PMM2: variants seen among roughly 807,000 people sequenced by gnomAD.
PMM2 encodes mannose-6-phosphate isomerase.
Under a neutral mutation model 33.2 loss-of-function variants are expected in PMM2, and 35 were observed. The observed-to-expected ratio is 1.06, with a 90% CI of 0.81 to 1.40. The LOEUF (loss-of-function observed/expected upper bound fraction) is 1.40, where lower values mean the gene tolerates loss of function less well. Among genes scored for constraint, PMM2 ranks in the 40% most tolerant of loss-of-function variants. The pLI is 0.00. For missense variants in PMM2, 386 were observed against 306.0 expected (o/e 1.26, Z -1.95); for synonymous variants, 153 against 114.7 (o/e 1.33, Z -2.13).
chr16:8,834,278 C>T (rs4609846), intron 7 of PMM2, among the ~76,000 whole-genome samples: 140,936 of 151,864 alleles, frequency 0.93, 65,624 homozygotes, highest in East Asian at 0.97. Context: ...AGATTGAGGA[C>T]TGTAAGGGAT....
chr16:8,800,213 T>A (rs1432749771), intron 1 of PMM2, among the ~76,000 whole-genome samples: 1 of 151,918 alleles, frequency 6.6e-6, no homozygotes, highest in Non-Finnish European at 1.5e-5. Context: ...ACAAAAAGAT[T>A]AGCCGAGCAT....
intron 1 of PMM2, 30 bp from the exon 2 acceptor site, chr16:8,801,769 G>A (rs1318465504): frequency 6.8e-6 from 9 of 1,328,678 alleles, no homozygotes; most frequent in Non-Finnish European, 9.7e-6. Flanking sequence ...TGTGGCTTAT[G>A]ACTGTTGTAT....
intron 4 of PMM2, chr16:8,808,688 A>G (rs1395222852): frequency 1.3e-5 from 2 of 152,224 alleles, no homozygotes. Context: ...GTGCCTTGGA[A>G]ATGAGAAGAA....
At chr16:8,802,522 T>C (rs2060622122) in intron 2 of PMM2, 3 of 271,582 alleles carry the variant, frequency 1.1e-5, no homozygotes. Context: ...CAGGGCCTCC[T>C]GGCCTGTAAG....
At chr16:8,819,128 G>A (rs766798903) in intron 7 of PMM2, among the ~76,000 whole-genome samples, 9 of 152,346 alleles carry the variant, frequency 5.9e-5, no homozygotes, top group Middle Eastern at 3.4e-3. Flanking sequence ...TTGGCTATCA[G>A]TGCACTCAAG....
chr16:8,801,640 C>G (rs1322150771), intron 1 of PMM2, among the ~76,000 whole-genome samples, 159 bp from the exon 2 acceptor site: 1 of 152,114 alleles, frequency 6.6e-6, no homozygotes, highest in Non-Finnish European at 1.5e-5. Context: ...CCACTGCACT[C>G]CAGCTTGGGT....
At chr16:8,837,533 G>A (rs957721461) in intron 7 of PMM2, among the ~76,000 whole-genome samples, 4 of 150,922 alleles carry the variant, frequency 2.7e-5, no homozygotes, top group African/African-American at 9.7e-5. Flanking sequence ...GGGGTGGGGG[G>A]TTCTTGCCCT....
chr16:8,832,873 G>A lies in PMM2; in HGVS notation c.640-14851G>A, dbSNP rs944922595. On this transcript the variant is annotated intron_variant, in intron 7 of 7. Transcript: ENST00000268261. ...ATGGCCTGTGCCCTCACGTCCCTCA[G>A]ATGCCAGGGTTCCCTCACCCTCCAG... 3.0e-6 allele frequency: 3 copies of A among 985,296 alleles called. No individual in the cohort carries two copies. The African/African-American group carries it at 5.2e-5, about 17-fold the overall frequency. 61.0% of individuals were successfully genotyped at this position (985,296 alleles called of 1,614,324 possible). A position where few individuals can be genotyped will look rare whatever the true frequency, so the allele number is the denominator to read the frequency against.
At chr16:8,811,018 TC>T (rs1476224512) in intron 4 of PMM2, 60 bp from the exon 5 acceptor site, 3 of 497,648 alleles carry the variant, frequency 6.0e-6, no homozygotes, top group African/African-American at 5.7e-5. Flanking sequence ...AGGCTGTTTA[TC>T]TATGTTGCCC....
chr16:8,845,795 CTTTTT>C (rs5815503), intron 7 of PMM2, among the ~76,000 whole-genome samples: 30 of 140,054 alleles, frequency 2.1e-4, no homozygotes, highest in Admixed American at 5.7e-4. Flanking sequence ...TGAAAGAAAT[CTTTTT>C]TTTTTTTTTT....
intron 7 of PMM2, among the ~76,000 whole-genome samples, chr16:8,814,273 G>T (rs1021042244): frequency 6.6e-6 from 1 of 152,034 alleles, no homozygotes; most frequent in East Asian, 1.9e-4. Flanking sequence ...GACAGGCCGC[G>T]CCCAGCCCCA....
At chr16:8,841,602 C>T (rs1201717352) in intron 7 of PMM2, among the ~76,000 whole-genome samples, 308 of 146,534 alleles carry the variant, frequency 2.1e-3, no homozygotes, top group Middle Eastern at 6.9e-3. Flanking sequence ...TTCTAAGAGG[C>T]GGGCTAGTGG....
chr16:8,809,238 C>A, intron 4 of PMM2: 1 of 152,176 alleles, frequency 6.6e-6, no homozygotes. Flanking sequence ...AGTGCCAGGA[C>A]ATCAGGTCTG....
Position 8,848,386 on chromosome 16 carries a change from G to A in PMM2, c.*561G>A, listed in dbSNP as rs1210701223. 1.7e-5 allele frequency: 3 copies of A among 174,246 alleles called. No homozygotes were observed. The highest frequency in any genetic ancestry group is 1.2e-5 in the Non-Finnish European group (1 of 80,158). 10.8% of individuals were successfully genotyped at this position (174,246 alleles called of 1,614,324 possible). A position where few individuals can be genotyped will look rare whatever the true frequency, so the allele number is the denominator to read the frequency against. On this transcript the variant is annotated 3_prime_UTR_variant, in exon 8 of 8. Coordinates refer to ENST00000268261, the MANE Select transcript of PMM2 (RefSeq NM_000303.3). ...TGTGAGTGGGGCAGTGTGATACCCA[G>A]TGACTAGACGCACTCTGCGTTTTCC...
chr16:8,804,040 T>TTTTG (rs2060632595), intron 2 of PMM2, among the ~76,000 whole-genome samples: 1 of 70,302 alleles, frequency 1.4e-5, no homozygotes, highest in Non-Finnish European at 3.0e-5. Flanking sequence ...TGTTTTTTTT[T>TTTTG]TTTTTTTTTT....
rs188609416 is a variant in PMM2, at chr16:8,843,965, G to A, written c.640-3759G>A. ...GAGGGGACAGGCGGGAGGGAAAGAA[G>A]GAAGATTTGGGACGAGTTGCACTGG... On this transcript the variant is annotated intron_variant, in intron 7 of 7. Coordinates refer to ENST00000268261, the MANE Select transcript of PMM2 (RefSeq NM_000303.3). Among the ~76,000 whole-genome samples, 901 of 152,204 alleles carry A rather than the reference G, an allele frequency of 5.9e-3. 3 individuals are homozygous for A. Among genetic ancestry groups the A allele is most frequent in the Middle Eastern group, 0.01 (3 of 294 alleles).
chr16:8,843,444 G>A (rs1042711008), intron 7 of PMM2, among the ~76,000 whole-genome samples: 2 of 152,178 alleles, frequency 1.3e-5, no homozygotes, highest in African/African-American at 4.8e-5. Flanking sequence ...TGAACAGTCC[G>A]ATTTCCAGTG....
At chr16:8,804,041 T>TTTTTTG (rs2060632652) in intron 2 of PMM2, among the ~76,000 whole-genome samples, 4 of 143,812 alleles carry the variant, frequency 2.8e-5, no homozygotes, top group Admixed American at 1.4e-4. Flanking sequence ...GTTTTTTTTT[T>TTTTTTG]TTTTTTTTTT....
intron 7 of PMM2, among the ~76,000 whole-genome samples, chr16:8,827,357 A>G (rs1477851081): frequency 6.6e-6 from 1 of 151,800 alleles, no homozygotes; most frequent in East Asian, 1.9e-4. Flanking sequence ...CAGGAAGAGA[A>G]AAAGCACAAA....
Sources: allele counts gnomAD v4.1 joint callset (sites outside exome capture counted in the v4.1 genomes callset), GRCh38; gene constraint gnomAD v4.1.1; transcripts MANE v1.5; gene names NCBI Gene and HGNC (gene_info 2026-07-23, HGNC 2026-07-21).